Variants in MAGI2 observed in about 807,000 individuals in gnomAD.
MAGI2 encodes membrane-associated guanylate kinase, WW and PDZ domain-containing protein 2.
MAGI2 carries 35 observed loss-of-function variants against 133.3 expected under a neutral mutation model. That is an observed-to-expected ratio of 0.26 (90% CI 0.20 to 0.35). The LOEUF is 0.35. MAGI2 is among the 10% of genes least tolerant of loss of function. The probability of loss-of-function intolerance (pLI) is 1.00; values close to 1 mark genes in which losing one functional copy is unlikely to be tolerated. For missense variants in MAGI2, 1,636 were observed against 1,863.4 expected (o/e 0.88, Z 2.25); for synonymous variants, 729 against 710.6 (o/e 1.03, Z -0.41).
At chr7:79,121,133 A>G (rs915192205) in intron 1 of MAGI2, among the ~76,000 whole-genome samples, 1 of 152,170 alleles carries the variant, frequency 6.6e-6, no homozygotes. Context: ...AGGGAGTAAA[A>G]GAACCAATAA....
intron 1 of MAGI2, among the ~76,000 whole-genome samples, chr7:79,345,100 A>T (rs73156049): frequency 0.31 from 46,736 of 151,800 alleles, 7,436 homozygotes; most frequent in Admixed American, 0.38. Flanking sequence ...TCCCAACTCC[A>T]AGTACCTCAG....
At chr7:78,302,088 T>C (rs967095683) in intron 9 of MAGI2, among the ~76,000 whole-genome samples, 1 of 152,270 alleles carries the variant, frequency 6.6e-6, no homozygotes, top group African/African-American at 2.4e-5. Context: ...AGAACATTTA[T>C]ATTTTGATCA....
intron 1 of MAGI2, among the ~76,000 whole-genome samples, chr7:79,041,569 A>G (rs938059871): frequency 2.6e-5 from 4 of 152,172 alleles, no homozygotes; most frequent in Non-Finnish European, 4.4e-5. Context: ...ACATTAGTAT[A>G]AAAGTAATAT....
In MAGI2 at chr7:78,823,909, T is replaced by TCACACACACACA. The variant is rs151269215; in HGVS notation, c.418+183169_418+183180dup. 3.0e-3 allele frequency among the ~76,000 whole-genome samples: 440 copies of TCACACACACACA among 148,148 alleles called. 4 individuals are homozygous for TCACACACACACA. The highest frequency in any genetic ancestry group is 0.01 in the African/African-American group (414 of 40,612). The stretch of plus-strand genomic sequence containing the variant: ...TCATTATCTTCTCTTGGATTTCACA[T>TCACACACACACA]CACACACACACACACACACACACAC... On this transcript the variant is annotated intron_variant, in intron 2 of 21. Coordinates refer to ENST00000354212, the MANE Select transcript of MAGI2 (RefSeq NM_012301.4).
At chr7:78,993,933 T>C (rs1312806752) in intron 2 of MAGI2, among the ~76,000 whole-genome samples, 1 of 152,080 alleles carries the variant, frequency 6.6e-6, no homozygotes, top group Non-Finnish European at 1.5e-5. Flanking sequence ...TGCTCAGTCA[T>C]CCCAGATATC....
intron 1 of MAGI2, among the ~76,000 whole-genome samples, chr7:79,078,815 G>T (rs1815778543): frequency 6.6e-6 from 1 of 152,134 alleles, no homozygotes; most frequent in Non-Finnish European, 1.5e-5. Flanking sequence ...TAGCCCATGT[G>T]TATGTGTGAG....
intron 4 of MAGI2, among the ~76,000 whole-genome samples, chr7:78,510,298 T>C (rs1220610706): frequency 1.3e-5 from 2 of 152,220 alleles, no homozygotes; most frequent in Non-Finnish European, 2.9e-5. Flanking sequence ...CTGTGGATGC[T>C]TCAATTTTCT....
rs145180840 is a variant in MAGI2, at chr7:78,627,282, T to C, written c.419-43A>G. On this transcript the variant is annotated intron_variant, in intron 2 of 21. Transcript: ENST00000354212. The stretch of plus-strand genomic sequence containing the variant: ...AAAACAAAAGAAAGACGCTAAGTGA[T>C]TTGTTGTTGAACTTTAGAAATACCA... 17 of 1,455,224 alleles carry C rather than the reference T, an allele frequency of 1.2e-5. No individual in the cohort carries two copies. The African/African-American group carries it at 2.5e-4, about 21-fold the overall frequency. 90.1% of individuals were successfully genotyped at this position (1,455,224 alleles called of 1,614,324 possible).
chr7:78,468,811 A>T (rs1259747969), intron 6 of MAGI2, among the ~76,000 whole-genome samples: 1 of 152,182 alleles, frequency 6.6e-6, no homozygotes, highest in Non-Finnish European at 1.5e-5. Flanking sequence ...CTTGCAGCTA[A>T]TAAATCTGAT....
At chr7:78,956,746 C>T (rs570283448) in intron 2 of MAGI2, among the ~76,000 whole-genome samples, 6 of 152,090 alleles carry the variant, frequency 3.9e-5, no homozygotes, top group African/African-American at 1.2e-4. Context: ...AGATAGTGCC[C>T]GTTTTTTATG....
chr7:78,245,465 C>A (rs1335844316), intron 10 of MAGI2, among the ~76,000 whole-genome samples: 2 of 152,142 alleles, frequency 1.3e-5, no homozygotes. Context: ...GTCCCTACCC[C>A]ACAAGGACAG....
chr7:79,002,914 T>G (rs1807037710), intron 2 of MAGI2, among the ~76,000 whole-genome samples: 3 of 151,020 alleles, frequency 2.0e-5, no homozygotes, highest in South Asian at 2.1e-4. Context: ...TTGCTTGTTT[T>G]TTTTTTTTTT....
intron 2 of MAGI2, among the ~76,000 whole-genome samples, chr7:78,882,945 A>G (rs1298388222): frequency 6.6e-6 from 1 of 152,168 alleles, no homozygotes; most frequent in African/African-American, 2.4e-5. Flanking sequence ...AAGAATAGAA[A>G]GAAGATAAGG....
In MAGI2 at chr7:78,159,481, G is replaced by A. The variant is rs541401414; in HGVS notation, c.2845+544C>T. ...CTACAGTTGAGACTTCCTACCAAGAGCACATGAAGCCAGCACTGTCTGCCT... is the reference window on the plus strand; with the variant it reads ...CTACAGTTGAGACTTCCTACCAAGAACACATGAAGCCAGCACTGTCTGCCT... On this transcript the variant is annotated intron_variant, in intron 16 of 21. Coordinates refer to ENST00000354212, the MANE Select transcript of MAGI2 (RefSeq NM_012301.4). 3.2e-4 allele frequency among the ~76,000 whole-genome samples: 48 copies of A among 152,148 alleles called. 1 individual carries two copies. Among genetic ancestry groups the A allele is most frequent in the Non-Finnish European group, 5.9e-4 (40 of 68,042 alleles).
At chr7:79,339,557 C>A (rs1168833915) in intron 1 of MAGI2, among the ~76,000 whole-genome samples, 2 of 150,232 alleles carry the variant, frequency 1.3e-5, no homozygotes, top group Admixed American at 1.3e-4. Context: ...AGGGCATATA[C>A]AATTTATTCT....
chr7:78,309,293 C>T (rs1306174721), intron 9 of MAGI2, among the ~76,000 whole-genome samples: 1 of 152,174 alleles, frequency 6.6e-6, no homozygotes, highest in Non-Finnish European at 1.5e-5. Context: ...AACCTAGATG[C>T]CCATCAACAG....
chr7:78,090,146 A>G (rs1283022157), intron 20 of MAGI2, among the ~76,000 whole-genome samples: 1 of 152,066 alleles, frequency 6.6e-6, no homozygotes, highest in Non-Finnish European at 1.5e-5. Flanking sequence ...AAATCCTCCA[A>G]GAAGCCATTG....
intron 2 of MAGI2, among the ~76,000 whole-genome samples, chr7:79,002,638 C>T (rs1806991149): frequency 6.6e-6 from 1 of 151,756 alleles, no homozygotes; most frequent in East Asian, 1.9e-4. Context: ...CTTGAAAATT[C>T]CCCCAAAACT....
chr7:78,534,112 C>A (rs1224454673), intron 3 of MAGI2, among the ~76,000 whole-genome samples: 3 of 152,182 alleles, frequency 2.0e-5, no homozygotes, highest in Non-Finnish European at 4.4e-5. Flanking sequence ...TAAGCACAGT[C>A]CTCTTTGAAA....
Sources: allele counts gnomAD v4.1 joint callset (sites outside exome capture counted in the v4.1 genomes callset), GRCh38; gene constraint gnomAD v4.1.1; transcripts MANE v1.5; gene names NCBI Gene and HGNC (gene_info 2026-07-23, HGNC 2026-07-21).